Variants in NCAM1 observed in about 807,000 individuals in gnomAD.
The protein encoded by NCAM1 is antigen recognized by monoclonal antibody 5.1H11.
In NCAM1, 14 loss-of-function variants were observed where a neutral mutation model predicts 109.8. That is an observed-to-expected ratio of 0.13 (90% CI 0.08 to 0.20). NCAM1 has a LOEUF of 0.20. Ranked by LOEUF, NCAM1 falls within the 10% of genes least tolerant of loss-of-function variation. The probability of loss-of-function intolerance (pLI) is 1.00; values close to 1 mark genes in which losing one functional copy is unlikely to be tolerated. For synonymous variants in NCAM1, 418 were observed against 442.9 expected, an observed-to-expected ratio of 0.94 and a Z score of 0.70; for missense variants, 774 against 1,109.9, an observed-to-expected ratio of 0.70 and a Z score of 4.30.
rs55641415 is a variant in NCAM1, at chr11:113,239,499, C to CTTTTTTTTTTTT, written c.1825+4348_1825+4359dup. 5.4e-5 allele frequency among the ~76,000 whole-genome samples: 6 copies of CTTTTTTTTTTTT among 110,198 alleles called. 1 individual carries two copies. The highest frequency in any genetic ancestry group is 6.5e-4 in the East Asian group (2 of 3,072). The allele number at this position is 110,198 out of a possible 152,430, so 72.3% of individuals were successfully genotyped here. ...TATAGAGATTATGAATGAGTCTCTA[C>CTTTTTTTTTTTT]TTTTTTTTTTTTTTTTTTTTTTTTG... On this transcript the variant is annotated intron_variant, in intron 14 of 19. Coordinates refer to ENST00000316851, the MANE Select transcript of NCAM1 (RefSeq NM_181351.5).
chr11:113,169,899 T>G lies in NCAM1; in HGVS notation c.53-32480T>G, dbSNP rs1400850161. Among the ~76,000 whole-genome samples the G allele has an allele frequency of 3.9e-5, 6 of 152,296 alleles. No individual in the cohort carries two copies. The East Asian group carries it at 7.7e-4, about 20-fold the overall frequency. ...GCCTCAGCCTCCCAAAGTGGAGAGA[T>G]ATTTTTTACAGCTGTGTTTCATTTG... On this transcript the variant is annotated intron_variant, in intron 1 of 19. Transcript: ENST00000316851.
At chr11:113,268,702 G>A (rs972637555) in intron 17 of NCAM1, among the ~76,000 whole-genome samples, 1 of 152,164 alleles carries the variant, frequency 6.6e-6, no homozygotes, top group Non-Finnish European at 1.5e-5. Flanking sequence ...AATACAGGCT[G>A]CATGAAAAAC....
At chr11:113,110,681 A>G (rs1167655941) in intron 1 of NCAM1, among the ~76,000 whole-genome samples, 1 of 152,216 alleles carries the variant, frequency 6.6e-6, no homozygotes, top group Non-Finnish European at 1.5e-5. Context: ...TCATAACAAA[A>G]CACTAAGAAC....
At position 113,141,354 on chromosome 11, in the gene NCAM1, G is replaced by A. The variant is rs114884303; in HGVS notation, c.53-61025G>A. Among the ~76,000 whole-genome samples, 393 of 152,290 alleles carry A rather than the reference G, an allele frequency of 2.6e-3. 1 individual carries two copies. The highest frequency in any genetic ancestry group is 9.0e-3 in the African/African-American group (376 of 41,568). ...ATTTAAAATGTTAGTGAAGCTGGCC[G>A]GGTGCAATGGCTCACACCTATAATC... On this transcript the variant is annotated intron_variant, in intron 1 of 19. Transcript: ENST00000316851.
At chr11:113,022,160 C>CA (rs1237873480) in intron 1 of NCAM1, among the ~76,000 whole-genome samples, 1 of 152,214 alleles carries the variant, frequency 6.6e-6, no homozygotes, top group African/African-American at 2.4e-5. Flanking sequence ...AGGCCTCTGA[C>CA]TTACTTCGCT....
chr11:113,027,446 A>G (rs766224698), intron 1 of NCAM1, among the ~76,000 whole-genome samples: 2 of 152,228 alleles, frequency 1.3e-5, no homozygotes, highest in Non-Finnish European at 2.9e-5. Context: ...CAGTACAGGT[A>G]TGGAAGCTGC....
chr11:112,998,653 G>A (rs12290596), intron 1 of NCAM1, among the ~76,000 whole-genome samples: 9 of 151,988 alleles, frequency 5.9e-5, no homozygotes, highest in African/African-American at 9.7e-5. Flanking sequence ...AACAACTCTC[G>A]ACACTAAGAT....
chr11:113,022,183 C>G (rs1952405940), intron 1 of NCAM1, among the ~76,000 whole-genome samples: 1 of 152,186 alleles, frequency 6.6e-6, no homozygotes, highest in African/African-American at 2.4e-5. Context: ...AGATAATGCA[C>G]TCAATACAAA....
At chr11:113,097,491 C>A (rs575843870) in intron 1 of NCAM1, among the ~76,000 whole-genome samples, 1 of 152,014 alleles carries the variant, frequency 6.6e-6, no homozygotes, top group South Asian at 2.1e-4. Flanking sequence ...AATTAGGAGT[C>A]AACAAACATA....
At chr11:113,189,463 A>AAAAAG in intron 1 of NCAM1, among the ~76,000 whole-genome samples, 1 of 150,588 alleles carries the variant, frequency 6.6e-6, no homozygotes, top group African/African-American at 2.5e-5. Context: ...AAAAAAAAAA[A>AAAAAG]AAAAGAAAAG....
At chr11:113,258,769 G>A (rs191530815) in intron 16 of NCAM1, among the ~76,000 whole-genome samples, 20 of 152,292 alleles carry the variant, frequency 1.3e-4, no homozygotes, top group Non-Finnish European at 2.4e-4. Context: ...AATCTGTATA[G>A]CTATTTTGTA....
intron 8 of NCAM1, among the ~76,000 whole-genome samples, chr11:113,215,350 T>C (rs1397300197): frequency 6.6e-6 from 1 of 152,196 alleles, no homozygotes; most frequent in Non-Finnish European, 1.5e-5. Context: ...GTATATCCTG[T>C]AGTAATGGGC....
At chr11:113,269,034 A>G (rs1946206457) in intron 17 of NCAM1, among the ~76,000 whole-genome samples, 2 of 152,316 alleles carry the variant, frequency 1.3e-5, no homozygotes, top group African/African-American at 4.8e-5. Flanking sequence ...AGAAGTGCCC[A>G]TATTTCAGTC....
At chr11:112,990,516 G>C (rs147461578) in intron 1 of NCAM1, among the ~76,000 whole-genome samples, 2 of 152,090 alleles carry the variant, frequency 1.3e-5, no homozygotes, top group Admixed American at 6.5e-5. Flanking sequence ...CAGCAACCCT[G>C]CTCCGGGGAC....
At chr11:113,010,717 T>C (rs574840061) in intron 1 of NCAM1, among the ~76,000 whole-genome samples, 1 of 152,318 alleles carries the variant, frequency 6.6e-6, no homozygotes, top group South Asian at 2.1e-4. Context: ...AAAATATTAA[T>C]TTAATTAATT....
chr11:113,179,911 C>T (rs1943280964), intron 1 of NCAM1, among the ~76,000 whole-genome samples: 2 of 152,142 alleles, frequency 1.3e-5, no homozygotes, highest in Admixed American at 1.3e-4. Context: ...GGATTCAACT[C>T]ATTAATATTC....
chr11:113,272,821 C>T (rs564672595), intron 19 of NCAM1: 9 of 425,538 alleles, frequency 2.1e-5, no homozygotes, highest in Non-Finnish European at 3.8e-5. Flanking sequence ...CTGTGCCTAA[C>T]TGCATGCCCC....
chr11:113,112,644 A>T (rs1326797838), intron 1 of NCAM1, among the ~76,000 whole-genome samples: 1 of 152,214 alleles, frequency 6.6e-6, no homozygotes, highest in East Asian at 1.9e-4. Context: ...GTAGAGAAAG[A>T]TCTCTCCACA....
intron 1 of NCAM1, among the ~76,000 whole-genome samples, chr11:113,125,973 C>CTGAAACTCCATCTCTACCAAACAT (rs1565451175): frequency 4.0e-4 from 61 of 151,784 alleles, no homozygotes; most frequent in African/African-American, 1.4e-3. Flanking sequence ...CTGGCCAACA[C>CTGAAACTCCATCTCTACCAAACAT]GCTGAAACTC....
Sources: allele counts gnomAD v4.1 joint callset (sites outside exome capture counted in the v4.1 genomes callset), GRCh38; gene constraint gnomAD v4.1.1; transcripts MANE v1.5; gene names NCBI Gene and HGNC (gene_info 2026-07-23, HGNC 2026-07-21).